TLE4: variants seen among roughly 807,000 people sequenced by gnomAD.
TLE4 encodes transducin-like enhancer protein 4.
A neutral mutation model predicts 92.8 loss-of-function variants in TLE4; 8 were observed. That is an observed-to-expected ratio of 0.09 (90% CI 0.05 to 0.16). TLE4 has a LOEUF of 0.16. Ranked by LOEUF, TLE4 falls within the 10% of genes least tolerant of loss-of-function variation. TLE4 has a pLI of 1.00. For synonymous variants in TLE4, 371 were observed against 374.1 expected (o/e 0.99, Z 0.10); for missense variants, 675 against 997.6 (o/e 0.68, Z 4.36).
At chr9:79,577,637 A>C (rs1437422612) in intron 4 of TLE4, among the ~76,000 whole-genome samples, 1 of 152,102 alleles carries the variant, frequency 6.6e-6, no homozygotes, top group African/African-American at 2.4e-5. Flanking sequence ...ATCCCATTAC[A>C]TTTCCTTTGA....
At position 79,718,710 on chromosome 9, in the gene TLE4, C is replaced by G; in HGVS notation, c.1341-12C>G. 6.3e-7 allele frequency: 1 copy of G among 1,597,292 alleles called. No individual in the cohort carries two copies. Among genetic ancestry groups the G allele is most frequent in the African/African-American group, 1.3e-5 (1 of 74,404 alleles). ...CATTCCCCTCTTTCTTTTTTCCTCT[C>G]CATTGCCTTAGAGCATACTCCTTCC... On this transcript the variant is annotated splice_polypyrimidine_tract_variant and intron_variant, in intron 14 of 19. Transcript: ENST00000376552.
Position 79,644,693 on chromosome 9 carries a change from T to G in TLE4, c.391-7900T>G, listed in dbSNP as rs372364402. ...AATAGTGTCTTCACAAGCCAAGGAGTATGGCTACCAGCCCAGTCCTGGGCC... is the reference window on the plus strand; with the variant it reads ...AATAGTGTCTTCACAAGCCAAGGAGGATGGCTACCAGCCCAGTCCTGGGCC... On this transcript the variant is annotated intron_variant, in intron 6 of 19. Transcript: ENST00000376552. Among the ~76,000 whole-genome samples, 6 of 152,114 alleles carry G rather than the reference T, an allele frequency of 3.9e-5. No homozygotes were observed. In the East Asian group the frequency reaches 1.2e-3, roughly 29 times the overall value.
At chr9:79,696,433 A>C (rs2068275461) in intron 8 of TLE4, among the ~76,000 whole-genome samples, 1 of 152,212 alleles carries the variant, frequency 6.6e-6, no homozygotes, top group Non-Finnish European at 1.5e-5. Context: ...GATATGAAGA[A>C]GACCAGAGTT....
At chr9:79,631,400 T>G (rs2054162573) in intron 6 of TLE4, among the ~76,000 whole-genome samples, 1 of 152,182 alleles carries the variant, frequency 6.6e-6, no homozygotes. Context: ...AAAAAAACAT[T>G]ACATTTTAAT....
intron 4 of TLE4, among the ~76,000 whole-genome samples, chr9:79,600,885 T>G (rs1348501481): frequency 6.6e-6 from 1 of 152,182 alleles, no homozygotes; most frequent in Non-Finnish European, 1.5e-5. Context: ...CCTGTGGACC[T>G]AGTGATGCCG....
chr9:79,669,836 T>G (rs2061983148), intron 8 of TLE4, among the ~76,000 whole-genome samples: 1 of 152,204 alleles, frequency 6.6e-6, no homozygotes, highest in Non-Finnish European at 1.5e-5. Context: ...TAGAGAGCAG[T>G]GACCAGTGAG....
intron 4 of TLE4, among the ~76,000 whole-genome samples, chr9:79,606,354 C>T (rs1229598729): frequency 8.0e-5 from 11 of 137,730 alleles, no homozygotes; most frequent in African/African-American, 2.7e-4. Context: ...TTAAGAATAC[C>T]TAAGATTAGT....
At chr9:79,706,925 G>A in intron 11 of TLE4, 26 bp downstream of exon 11, 1 of 1,603,884 alleles carries the variant, frequency 6.2e-7, no homozygotes. Context: ...CCATCTCTCT[G>A]AGTGTGGCCT....
At chr9:79,687,989 C>T (rs1014794152) in intron 8 of TLE4, among the ~76,000 whole-genome samples, 1 of 152,194 alleles carries the variant, frequency 6.6e-6, no homozygotes, top group Non-Finnish European at 1.5e-5. Flanking sequence ...CAGTGGACCA[C>T]ACTTTTTTGA....
intron 12 of TLE4, 129 bp downstream of exon 12, chr9:79,708,379 C>A: frequency 8.0e-7 from 1 of 1,245,364 alleles, no homozygotes. Context: ...AGTTACTTAA[C>A]CTGAACCGAG....
chr9:79,663,927 A>G (rs572092198), intron 8 of TLE4, among the ~76,000 whole-genome samples: 30 of 152,364 alleles, frequency 2.0e-4, no homozygotes, highest in African/African-American at 7.2e-4. Context: ...CTCGGACTAT[A>G]GTCCCCGAGA....
chr9:79,708,214 C>T lies in TLE4; in HGVS notation c.1033C>T (p.Pro345Ser). ...PGSNSTPGLR[P>S]VPGKPPGVDP... is the part of the protein sequence containing the mutation. ...CAGTAACTCTACTCCCGGATTGAGG[C>T]CTGTACCTGGAAAACCACCAGGAGT... Residue 345 changes from proline to serine, a missense_variant, in exon 12 of 20, where the codon CCT becomes TCT. Pro to Ser is a moderately conservative substitution (Grantham distance 74). Coordinates refer to ENST00000376552, the MANE Select transcript of TLE4 (RefSeq NM_007005.6). The T allele has an allele frequency of 6.2e-7, 1 of 1,614,162 alleles. No individual in the cohort carries two copies. Among genetic ancestry groups the T allele is most frequent in the South Asian group, 1.1e-5 (1 of 91,078 alleles).
chr9:79,703,554 A>T (rs1547275), intron 8 of TLE4, among the ~76,000 whole-genome samples: 1 of 152,090 alleles, frequency 6.6e-6, no homozygotes, highest in Non-Finnish European at 1.5e-5. Context: ...TTCATGGCAG[A>T]TAGAGTCATT....
intron 14 of TLE4, among the ~76,000 whole-genome samples, chr9:79,713,192 A>G (rs2073754940): frequency 6.6e-6 from 1 of 152,234 alleles, no homozygotes; most frequent in South Asian, 2.1e-4. Flanking sequence ...AGCACAGCAT[A>G]ACAGAACTGG....
At chr9:79,678,085 TAAAG>T (rs2063623192) in intron 8 of TLE4, among the ~76,000 whole-genome samples, 1 of 152,116 alleles carries the variant, frequency 6.6e-6, no homozygotes, top group African/African-American at 2.4e-5. Context: ...CTGTCTCAGT[TAAAG>T]AAATTAGTAG....
chr9:79,664,693 C>T (rs116823162), intron 8 of TLE4, among the ~76,000 whole-genome samples: 1,566 of 152,222 alleles, frequency 0.01, 33 homozygotes, highest in African/African-American at 0.035. Flanking sequence ...TGTTCTTTCC[C>T]TCCTCCTGCC....
chr9:79,685,179 T>TCC (rs1188389564), intron 8 of TLE4, among the ~76,000 whole-genome samples: 1 of 152,204 alleles, frequency 6.6e-6, no homozygotes, highest in East Asian at 1.9e-4. Context: ...ACGACTTTGA[T>TCC]GAAATGTCAG....
At chr9:79,693,509 C>T (rs1480803015) in intron 8 of TLE4, 1 of 339,540 alleles carries the variant, frequency 2.9e-6, no homozygotes, top group Non-Finnish European at 5.8e-6. Context: ...GTTTCAATTA[C>T]TATACCCTGG....
At chr9:79,663,382 G>A (rs987175649) in intron 8 of TLE4, 2 of 152,182 alleles carry the variant, frequency 1.3e-5, no homozygotes, top group African/African-American at 4.8e-5. Flanking sequence ...CATTTTCCCA[G>A]TTATATTAGC....
Sources: gnomAD v4.1 joint callset for allele counts (sites outside exome capture counted in the v4.1 genomes callset) on GRCh38, gnomAD v4.1.1 for gene constraint, MANE v1.5 for transcripts, NCBI Gene and HGNC (gene_info 2026-07-23, HGNC 2026-07-21) for gene names.